The following DISC1 variants were observed in gnomAD, a reference collection of about 807,000 sequenced individuals.
DISC1 encodes the protein DISC1 scaffold protein.
Under a neutral mutation model 84.5 loss-of-function variants are expected in DISC1, and 57 were observed. The observed-to-expected ratio is 0.67, with a 90% CI of 0.55 to 0.84. The LOEUF (loss-of-function observed/expected upper bound fraction) is 0.84, where lower values mean the gene tolerates loss of function less well. DISC1 is among the 40% of genes least tolerant of loss of function. The pLI is 0.00. For missense variants in DISC1, 1,000 were observed against 1,057.8 expected, an observed-to-expected ratio of 0.95 and a Z score of 0.76; for synonymous variants, 411 against 415.2, an observed-to-expected ratio of 0.99 and a Z score of 0.12.
intron 2 of DISC1, among the ~76,000 whole-genome samples, chr1:231,695,585 TTGTG>T (rs1187925442): frequency 2.6e-5 from 4 of 151,384 alleles, no homozygotes; most frequent in Non-Finnish European, 1.5e-5. Context: ...GCATATGTGT[TTGTG>T]TGTGTATGTG....
At chr1:231,854,913 A>T in intron 9 of DISC1, 1 of 553,216 alleles carries the variant, frequency 1.8e-6, no homozygotes, top group Non-Finnish European at 3.0e-6. Context: ...ATGGGGTTTT[A>T]CCATGTTGAC....
Position 232,031,611 on chromosome 1 carries a change from G to A in DISC1, c.2425+5059G>A, listed in dbSNP as rs139386671. ...GGCTGGTGCAGATATAGTAGTCACA[G>A]TTCTTTCCTTAGGCTCTCACTTGGC... is the stretch of plus-strand genomic sequence containing the variant. On this transcript the variant is annotated intron_variant, in intron 12 of 12. Transcript: ENST00000439617. This position sits in a 1 kb window ranked among gnomAD's most constrained non-coding sequence, Gnocchi z 4.6. 1.5e-3 allele frequency among the ~76,000 whole-genome samples: 228 copies of A among 152,306 alleles called. 1 individual carries two copies. Among genetic ancestry groups the A allele is most frequent in the African/African-American group, 5.1e-3 (213 of 41,574 alleles).
At chr1:231,722,777 G>A (rs2069998302) in intron 3 of DISC1, 2 of 1,477,478 alleles carry the variant, frequency 1.4e-6, no homozygotes, top group Non-Finnish European at 1.8e-6. Flanking sequence ...GATAGCAGCT[G>A]TCTGGATGCT....
chr1:231,869,240 A>G (rs145444643), intron 9 of DISC1, among the ~76,000 whole-genome samples: 2 of 152,286 alleles, frequency 1.3e-5, no homozygotes, highest in African/African-American at 4.8e-5. Flanking sequence ...CCTGAAAGAT[A>G]TACAACCACC....
In DISC1 at chr1:231,626,808, G is replaced by T; in HGVS notation, c.-60G>T. 1 of 1,279,592 alleles carries T rather than the reference G, an allele frequency of 7.8e-7. No individual in the cohort carries two copies. The highest frequency in any genetic ancestry group is 1.0e-6 in the Non-Finnish European group (1 of 985,318). 79.3% of individuals were successfully genotyped at this position (1,279,592 alleles called of 1,614,324 possible). Reference sequence around the variant, plus strand: ...CGCTGCTCCCTTCCCCCCGCCTCTGGCCTCGGGGAAGGAGCAGGAGGCAGC... The same window carrying T: ...CGCTGCTCCCTTCCCCCCGCCTCTGTCCTCGGGGAAGGAGCAGGAGGCAGC... On this transcript the variant is annotated 5_prime_UTR_variant, in exon 1 of 13. Coordinates refer to ENST00000439617, the MANE Select transcript of DISC1 (RefSeq NM_018662.3).
intron 9 of DISC1, among the ~76,000 whole-genome samples, chr1:231,847,735 C>T (rs2083566392): frequency 6.6e-6 from 1 of 152,144 alleles, no homozygotes; most frequent in African/African-American, 2.4e-5. Flanking sequence ...CAAGTTAAAT[C>T]CTGTTCCTCC....
At chr1:231,862,932 G>A (rs1245750062) in intron 9 of DISC1, among the ~76,000 whole-genome samples, 2 of 152,102 alleles carry the variant, frequency 1.3e-5, no homozygotes, top group Non-Finnish European at 2.9e-5. Flanking sequence ...TGTTGAAATC[G>A]AGGCTCATGT....
At chr1:231,999,963 T>A (rs956784890) in intron 10 of DISC1, among the ~76,000 whole-genome samples, 1 of 152,154 alleles carries the variant, frequency 6.6e-6, no homozygotes, top group African/African-American at 2.4e-5. Flanking sequence ...GGACGGGACC[T>A]GCATGATAAA....
intron 4 of DISC1, among the ~76,000 whole-genome samples, chr1:231,762,357 G>T (rs2075808338): frequency 6.8e-6 from 1 of 147,152 alleles, no homozygotes; most frequent in Admixed American, 7.0e-5. Context: ...TTTCTTTGTG[G>T]TATTGATTGC....
intron 9 of DISC1, among the ~76,000 whole-genome samples, chr1:231,868,201 C>A (rs1405786165): frequency 6.6e-6 from 1 of 152,188 alleles, no homozygotes; most frequent in East Asian, 1.9e-4. Context: ...CCCAAACCCT[C>A]CGTTCTCCCC....
chr1:231,711,299 C>A (rs1284078962), intron 3 of DISC1, among the ~76,000 whole-genome samples: 2 of 151,172 alleles, frequency 1.3e-5, no homozygotes, highest in African/African-American at 4.9e-5. Flanking sequence ...ACTTCAGCTA[C>A]CATTAGAATT....
chr1:231,821,475 A>T (rs2081491556), intron 9 of DISC1, among the ~76,000 whole-genome samples: 1 of 152,238 alleles, frequency 6.6e-6, no homozygotes, highest in Admixed American at 6.5e-5. Context: ...TAAAGAGATG[A>T]TAAAGAAGTG....
intron 9 of DISC1, among the ~76,000 whole-genome samples, chr1:231,851,101 G>A (rs774323785): frequency 1.3e-5 from 2 of 152,134 alleles, no homozygotes; most frequent in Admixed American, 6.5e-5. Context: ...CTTACTGAGC[G>A]CTTCTCCTGC....
chr1:231,861,767 CT>C (rs1484651967), intron 9 of DISC1, among the ~76,000 whole-genome samples: 1 of 152,108 alleles, frequency 6.6e-6, no homozygotes, highest in Non-Finnish European at 1.5e-5. Context: ...TCTCTTATTT[CT>C]TGCTTTGCTC....
rs568026622 is a variant in DISC1, at chr1:231,672,067, A to AC, written c.68-21758dup. 3.3e-3 allele frequency among the ~76,000 whole-genome samples: 501 copies of AC among 152,264 alleles called. 7 individuals carry two copies. Among genetic ancestry groups the AC allele is most frequent in the African/African-American group, 0.012 (480 of 41,564 alleles). Reference sequence around the variant, plus strand: ...GGTTGCCTGATTTGTTTTGCTCATAACGGGATTGTTTTAATTATTCATTTA... The same window carrying AC: ...GGTTGCCTGATTTGTTTTGCTCATAACCGGGATTGTTTTAATTATTCATTTA... On this transcript the variant is annotated intron_variant, in intron 1 of 12. Coordinates refer to ENST00000439617, the MANE Select transcript of DISC1 (RefSeq NM_018662.3).
At chr1:231,983,955 A>G (rs891585977) in intron 10 of DISC1, among the ~76,000 whole-genome samples, 2 of 152,156 alleles carry the variant, frequency 1.3e-5, no homozygotes, top group African/African-American at 4.8e-5. Flanking sequence ...AGATAATTTT[A>G]TTATTCCCAC....
At chr1:231,830,933 G>A (rs1434556909) in intron 9 of DISC1, among the ~76,000 whole-genome samples, 1 of 152,178 alleles carries the variant, frequency 6.6e-6, no homozygotes, top group Non-Finnish European at 1.5e-5. Flanking sequence ...AATACTAAGA[G>A]CCTGAAAAAC....
rs2087744543 is a variant in DISC1 at position 231,897,011 on chromosome 1, AACAT to A, written c.1982-61812_1982-61809del. The stretch of plus-strand genomic sequence containing the variant: ...ATCACTGACTGTTACGGGATCTAGA[AACAT>A]ACATGATCAGACACGTGAACCCACG... On this transcript the variant is annotated intron_variant, in intron 9 of 12. Coordinates refer to ENST00000439617, the MANE Select transcript of DISC1 (RefSeq NM_018662.3). The surrounding 1 kb of genome is among the most constrained non-coding windows in gnomAD (Gnocchi z 4.5). Among the ~76,000 whole-genome samples, 1 of 152,210 alleles carries A rather than the reference AACAT, an allele frequency of 6.6e-6. No homozygotes were observed. The highest frequency in any genetic ancestry group is 2.4e-5 in the African/African-American group (1 of 41,460).
chr1:231,886,828 TTTC>T (rs1390929332), intron 9 of DISC1, among the ~76,000 whole-genome samples: 2 of 124,434 alleles, frequency 1.6e-5, no homozygotes, highest in African/African-American at 3.0e-5. Context: ...TCTTTCTTTC[TTTC>T]TTTCCTTCTT....
Sources: allele counts gnomAD v4.1 joint callset (sites outside exome capture counted in the v4.1 genomes callset), GRCh38; gene constraint gnomAD v4.1.1; non-coding constraint Gnocchi (gnomAD v3.1); transcripts MANE v1.5; gene names NCBI Gene and HGNC (gene_info 2026-07-23, HGNC 2026-07-21).